Variants in CHAF1B observed in about 807,000 individuals in gnomAD.
The protein encoded by CHAF1B is chromatin assembly factor 1 subunit B, also known as CAF-1 subunit B.
A neutral mutation model predicts 60.7 loss-of-function variants in CHAF1B; 10 were observed. The observed-to-expected ratio is 0.16, with a 90% CI of 0.10 to 0.28. The LOEUF is 0.28. Ranked by LOEUF, CHAF1B falls within the 10% of genes least tolerant of loss-of-function variation. CHAF1B has a pLI of 1.00. For synonymous variants in CHAF1B, 261 were observed against 266.1 expected (o/e 0.98, Z 0.19); for missense variants, 558 against 708.4 (o/e 0.79, Z 2.41).
intron 5 of CHAF1B, among the ~76,000 whole-genome samples, chr21:36,395,087 C>G (rs1471694563): frequency 6.6e-6 from 1 of 151,518 alleles, no homozygotes. Context: ...GAGTTTCGCT[C>G]TTGTCCAGGT....
intron 12 of CHAF1B, among the ~76,000 whole-genome samples, chr21:36,414,961 A>G (rs888927270): frequency 1.3e-5 from 2 of 152,202 alleles, no homozygotes; most frequent in East Asian, 1.9e-4. Flanking sequence ...GACGCTTTCT[A>G]TATATAGAAA....
At chr21:36,388,678 G>T (rs2146359553) in intron 3 of CHAF1B, among the ~76,000 whole-genome samples, 1 of 152,158 alleles carries the variant, frequency 6.6e-6, no homozygotes, top group South Asian at 2.1e-4. Context: ...TGTCAGCCAG[G>T]CTGGTCTCAA....
In CHAF1B at chr21:36,389,800, T is replaced by TGCGCGCGCGCGC. The variant is rs1555911823; in HGVS notation, c.260-1743_260-1742insGCGCGCGCGCGC. 9.5e-4 allele frequency among the ~76,000 whole-genome samples: 118 copies of TGCGCGCGCGCGC among 124,792 alleles called. 1 individual carries two copies. The highest frequency in any genetic ancestry group is 3.9e-3 in the African/African-American group (111 of 28,436). The allele number at this position is 124,792 out of a possible 152,430, so 81.9% of individuals were successfully genotyped here. On this transcript the variant is annotated intron_variant, in intron 3 of 13. Transcript: ENST00000314103. Reference sequence around the variant, plus strand: ...GTGTGTGTGTGTGTGTGTGTGTGTGTGCGCGCGCACGCTGATTTGTAGAGG... The same window carrying TGCGCGCGCGCGC: ...GTGTGTGTGTGTGTGTGTGTGTGTGTGCGCGCGCGCGCGCGCGCGCACGCTGATTTGTAGAGG...
intron 11 of CHAF1B, chr21:36,412,634 T>G: frequency 4.5e-6 from 2 of 446,946 alleles, no homozygotes; most frequent in Non-Finnish European, 8.1e-6. Context: ...AGTGCTGGGA[T>G]TACAGGCGTG....
intron 7 of CHAF1B, 100 bp downstream of exon 7, chr21:36,399,705 AAG>A: frequency 1.1e-6 from 1 of 918,154 alleles, no homozygotes; most frequent in Non-Finnish European, 1.8e-6. Context: ...ACTGGCCACA[AAG>A]AGCCGATTCC....
chr21:36,391,502 G>T, intron 3 of CHAF1B, 49 bp from the exon 4 acceptor site: 26 of 1,000,326 alleles, frequency 2.6e-5, no homozygotes, highest in Non-Finnish European at 3.6e-5. Flanking sequence ...ATCCTAATAT[G>T]AAGGAGTGTG....
intron 2 of CHAF1B, among the ~76,000 whole-genome samples, chr21:36,386,583 G>T (rs951101880): frequency 8.5e-5 from 13 of 152,186 alleles, no homozygotes; most frequent in Non-Finnish European, 4.4e-5. Context: ...GGGTGACAGA[G>T]CCAGACCCTT....
chr21:36,389,812 CTGA>C (rs2086071922), intron 3 of CHAF1B, among the ~76,000 whole-genome samples: 1 of 144,346 alleles, frequency 6.9e-6, no homozygotes, highest in African/African-American at 2.6e-5. Context: ...CGCGCGCACG[CTGA>C]TTTGTAGAGG....
At chr21:36,387,820 C>CTT (rs372818231) in intron 3 of CHAF1B, 90 bp downstream of exon 3, 801 of 1,122,380 alleles carry the variant, frequency 7.1e-4, no homozygotes, top group African/African-American at 1.5e-3. Context: ...GCTGGATATG[C>CTT]TTTTTTTTTT....
chr21:36,395,178 G>A (rs1036558278), intron 5 of CHAF1B, among the ~76,000 whole-genome samples: 2 of 152,040 alleles, frequency 1.3e-5, no homozygotes, highest in Non-Finnish European at 2.9e-5. Flanking sequence ...AGCATCCTGA[G>A]TAGCTGGACT....
At chr21:36,394,140 G>A (rs1261236595) in intron 4 of CHAF1B, among the ~76,000 whole-genome samples, 2 of 151,144 alleles carry the variant, frequency 1.3e-5, no homozygotes, top group South Asian at 2.1e-4. Flanking sequence ...GTAGTGGCGC[G>A]ATCTTGGCTC....
intron 8 of CHAF1B, among the ~76,000 whole-genome samples, chr21:36,406,478 G>T (rs537073216): frequency 1.3e-5 from 2 of 151,940 alleles, no homozygotes; most frequent in Non-Finnish European, 2.9e-5. Flanking sequence ...TAGAGATGAG[G>T]TTTTACCATG....
At chr21:36,386,009 C>T (rs1168289079) in intron 1 of CHAF1B, 51 bp from the exon 2 acceptor site, 21 of 1,130,998 alleles carry the variant, frequency 1.9e-5, no homozygotes, top group Non-Finnish European at 2.4e-5. Flanking sequence ...CCCTATTCAG[C>T]GCTCAATAAC....
chr21:36,405,898 T>G lies in CHAF1B; in HGVS notation c.758-2863T>G, dbSNP rs2146371839. Among the ~76,000 whole-genome samples, 3 of 152,242 alleles carry G rather than the reference T, an allele frequency of 2.0e-5. No homozygotes were observed. In the South Asian group the frequency reaches 6.2e-4, roughly 32 times the overall value. On this transcript the variant is annotated intron_variant, in intron 8 of 13. Transcript: ENST00000314103. ...AATTGCATTAAAGTTTTTTTTTAAT[T>G]GGATGAAATCTCAGCTTTGTTTAGT...
intron 12 of CHAF1B, among the ~76,000 whole-genome samples, chr21:36,414,313 G>A (rs1001592401): frequency 6.6e-6 from 1 of 152,196 alleles, no homozygotes; most frequent in Non-Finnish European, 1.5e-5. Flanking sequence ...GGACAGAAGC[G>A]CCCTGTGCCT....
At chr21:36,409,535 T>C (rs1469967912) in intron 10 of CHAF1B, 70 bp downstream of exon 10, 2 of 1,115,664 alleles carry the variant, frequency 1.8e-6, no homozygotes, top group Non-Finnish European at 2.7e-6. Flanking sequence ...GGGTGGAGAT[T>C]TGGATTCTGT....
At position 36,394,540 on chromosome 21, in the gene CHAF1B, A is replaced by G; in HGVS notation, c.378-7A>G. On this transcript the variant is annotated splice_polypyrimidine_tract_variant and splice_region_variant and intron_variant, in intron 4 of 13. Transcript: ENST00000314103. Reference sequence around the variant, plus strand: ...TTGCTTTTTTCCTCTTTGTTTTTGGATTCTAGGGGCCACTTAGAAGATGTG... The same window carrying G: ...TTGCTTTTTTCCTCTTTGTTTTTGGGTTCTAGGGGCCACTTAGAAGATGTG... 1.2e-6 allele frequency: 2 copies of G among 1,602,960 alleles called. No homozygotes were observed. The highest frequency in any genetic ancestry group is 8.5e-7 in the Non-Finnish European group (1 of 1,172,026).
At chr21:36,394,153 T>TGCAATCTC (rs1328934534) in intron 4 of CHAF1B, among the ~76,000 whole-genome samples, 4 of 151,716 alleles carry the variant, frequency 2.6e-5, no homozygotes, top group African/African-American at 9.7e-5. Context: ...CTTGGCTCAC[T>TGCAATCTC]GCAATCTCTG....
Position 36,394,581 on chromosome 21 carries a change from G to T in CHAF1B, c.412G>T (p.Ala138Ser). 1 of 1,613,728 alleles carries T rather than the reference G, an allele frequency of 6.2e-7. No homozygotes were observed. The highest frequency in any genetic ancestry group is 8.5e-7 in the Non-Finnish European group (1 of 1,179,790). ...HLEDVYDICW[A>S]TDGNLMASAS... ...AGAAGATGTGTATGATATTTGCTGG[G>T]CAACTGATGGGAATTTAATGGCTTC... is the stretch of plus-strand genomic sequence containing the variant. Residue 138 changes from alanine to serine, a missense_variant, in exon 5 of 14, where the codon GCA becomes TCA. Ala to Ser is a moderately conservative substitution (Grantham distance 99, BLOSUM62 1). Around this residue, in one of 2 missense-constraint regions of CHAF1B, gnomAD observed 325 missense variants for 493.5 expected, o/e 0.66. Transcript: ENST00000314103.
Sources: gnomAD v4.1 joint callset for allele counts (sites outside exome capture counted in the v4.1 genomes callset) on GRCh38, gnomAD v4.1.1 for gene constraint, gnomAD v4.1.1 regional missense constraint, MANE v1.5 for transcripts, NCBI Gene and HGNC (gene_info 2026-07-23, HGNC 2026-07-21) for gene names.